The following EXOC6 variants were observed in gnomAD, a reference collection of about 807,000 sequenced individuals.
The protein encoded by EXOC6 is exocyst complex component 6.
A neutral mutation model predicts 112.5 loss-of-function variants in EXOC6; 60 were observed. That is an observed-to-expected ratio of 0.53 (90% confidence interval 0.43 to 0.66). The LOEUF (loss-of-function observed/expected upper bound fraction) is 0.66, where lower values mean the gene tolerates loss of function less well. Among genes scored for constraint, EXOC6 ranks in the 30% least tolerant of loss-of-function variants. The probability of loss-of-function intolerance (pLI) is 0.00; values close to 1 mark genes in which losing one functional copy is unlikely to be tolerated. For synonymous variants in EXOC6, 295 were observed against 308.0 expected, an observed-to-expected ratio of 0.96 and a Z score of 0.44; for missense variants, 855 against 957.1, an observed-to-expected ratio of 0.89 and a Z score of 1.41.
At chr10:92,992,560 C>T (rs559911657) in intron 18 of EXOC6, among the ~76,000 whole-genome samples, 1 of 152,136 alleles carries the variant, frequency 6.6e-6, no homozygotes, top group African/African-American at 2.4e-5. Context: ...GATTTCATAA[C>T]AGTATTTACA....
chr10:93,032,036 A>G (rs572479455), intron 20 of EXOC6, among the ~76,000 whole-genome samples: 1 of 152,266 alleles, frequency 6.6e-6, no homozygotes, highest in South Asian at 2.1e-4. Context: ...TTTATAGGGA[A>G]ATCTGTTATG....
At chr10:92,900,118 T>G (rs1850076505) in intron 5 of EXOC6, 1 of 152,622 alleles carries the variant, frequency 6.6e-6, no homozygotes. Flanking sequence ...TATAGTGATG[T>G]TTAAAATATT....
At chr10:92,860,331 G>A (rs1348362235) in intron 1 of EXOC6, among the ~76,000 whole-genome samples, 1 of 146,882 alleles carries the variant, frequency 6.8e-6, no homozygotes, top group Non-Finnish European at 1.5e-5. Context: ...GAGTGCAGTG[G>A]CGTGATCTCG....
chr10:92,893,471 A>G lies in EXOC6; in HGVS notation c.224A>G (p.Asp75Gly), dbSNP rs202055138. The G allele has an allele frequency of 1.2e-6, 2 of 1,612,880 alleles. No homozygotes were observed. Among genetic ancestry groups the G allele is most frequent in the Non-Finnish European group, 1.7e-6 (2 of 1,179,282 alleles). ...AATTTTCATCATCAGGGTTTTGTAG[A>G]TGCTATTACAGAACTCCTTAAAGTA... ...MCNFHHQGFVDAITELLKVRT... is the reference protein window; with the variant it reads ...MCNFHHQGFVGAITELLKVRT... The change falls in exon 2 of 22, where the codon GAT (aspartate) becomes GGT (glycine). Residue 75 changes from aspartate to glycine, a missense_variant. Coordinates refer to ENST00000260762, the MANE Select transcript of EXOC6 (RefSeq NM_019053.6).
At chr10:93,008,284 A>G (rs1001554766) in intron 19 of EXOC6, among the ~76,000 whole-genome samples, 3 of 152,236 alleles carry the variant, frequency 2.0e-5, no homozygotes, top group African/African-American at 7.2e-5. Context: ...GTCAAATTGG[A>G]GGCATTAAGA....
At chr10:93,052,420 C>T (rs1439870171) in intron 20 of EXOC6, among the ~76,000 whole-genome samples, 1 of 152,174 alleles carries the variant, frequency 6.6e-6, no homozygotes, top group African/African-American at 2.4e-5. Flanking sequence ...ATGGGACCAC[C>T]CATGTAACAC....
At chr10:92,914,387 G>C (rs969409703) in intron 6 of EXOC6, among the ~76,000 whole-genome samples, 1 of 152,150 alleles carries the variant, frequency 6.6e-6, no homozygotes, top group Non-Finnish European at 1.5e-5. Flanking sequence ...AAGTTAAGCG[G>C]ATTTCTTTAC....
At chr10:93,030,892 A>G (rs1232447456) in intron 20 of EXOC6, among the ~76,000 whole-genome samples, 2 of 152,176 alleles carry the variant, frequency 1.3e-5, no homozygotes, top group African/African-American at 4.8e-5. Flanking sequence ...TTTTCAAGAT[A>G]CACCTCCCCT....
At position 93,013,564 on chromosome 10, in the gene EXOC6, C is replaced by T. The variant is rs562766618; in HGVS notation, c.2096-630C>T. ...CAGAGGTTGCAATGAGCCGAGATGG[C>T]GCCACTGCACTCCAGCCTGGGTGAC... On this transcript the variant is annotated intron_variant, in intron 19 of 21. Coordinates refer to ENST00000260762, the MANE Select transcript of EXOC6 (RefSeq NM_019053.6). Among the ~76,000 whole-genome samples, 34 of 151,914 alleles carry T rather than the reference C, an allele frequency of 2.2e-4. No individual in the cohort carries two copies. In the East Asian group the frequency reaches 2.3e-3, roughly 10 times the overall value.
At chr10:93,028,570 C>T (rs1370938391) in intron 20 of EXOC6, among the ~76,000 whole-genome samples, 1 of 152,140 alleles carries the variant, frequency 6.6e-6, no homozygotes, top group Non-Finnish European at 1.5e-5. Flanking sequence ...TGCGGTGGCT[C>T]AGGCCTGTAA....
intron 1 of EXOC6, among the ~76,000 whole-genome samples, chr10:92,858,830 A>G (rs770092340): frequency 2.1e-4 from 32 of 152,102 alleles, no homozygotes; most frequent in Admixed American, 1.4e-3. Flanking sequence ...CAGTGGCACA[A>G]TCTTGGCTCA....
intron 17 of EXOC6, among the ~76,000 whole-genome samples, chr10:92,968,482 G>A (rs1168625786): frequency 6.6e-6 from 1 of 152,068 alleles, no homozygotes; most frequent in African/African-American, 2.4e-5. Context: ...CACTGTGCCT[G>A]CCATGTTTTA....
chr10:92,873,566 A>C (rs1408344844), intron 1 of EXOC6, among the ~76,000 whole-genome samples: 1 of 152,218 alleles, frequency 6.6e-6, no homozygotes, highest in Non-Finnish European at 1.5e-5. Context: ...ATATTAAAGT[A>C]TATCAATTCT....
chr10:92,845,369 A>G (rs988241737), upstream of EXOC6, among the ~76,000 whole-genome samples: 1 of 151,982 alleles, frequency 6.6e-6, no homozygotes, highest in African/African-American at 2.4e-5. Flanking sequence ...CCTGGCCAAC[A>G]TGGTGAAAGC....
At chr10:92,884,763 C>A (rs1356524737) in intron 1 of EXOC6, among the ~76,000 whole-genome samples, 3 of 151,772 alleles carry the variant, frequency 2.0e-5, no homozygotes, top group East Asian at 3.9e-4. Flanking sequence ...TAAAAAGATA[C>A]CCAAAATAGT....
At chr10:92,891,638 C>T (rs1007578800) in intron 1 of EXOC6, among the ~76,000 whole-genome samples, 1 of 152,070 alleles carries the variant, frequency 6.6e-6, no homozygotes, top group East Asian at 1.9e-4. Context: ...CCTGCCACGA[C>T]ACCCAGCTAA....
At chr10:92,975,430 T>G (rs1842491814) in intron 18 of EXOC6, among the ~76,000 whole-genome samples, 1 of 144,022 alleles carries the variant, frequency 6.9e-6, no homozygotes, top group Non-Finnish European at 1.5e-5. Context: ...GTCTGGGAAG[T>G]GAGGAGCGTC....
rs1351052172 is a variant in EXOC6 at position 92,935,692 on chromosome 10, C to A, written c.1141-122C>A. The A allele has an allele frequency of 4.0e-6, 3 of 746,334 alleles. No individual in the cohort carries two copies. The Admixed American group carries it at 8.3e-5, about 21-fold the overall frequency. The allele number at this position is 746,334 out of a possible 1,614,324, so 46.2% of individuals were successfully genotyped here. A position where few individuals can be genotyped will look rare whatever the true frequency, so the allele number is the denominator to read the frequency against. On this transcript the variant is annotated intron_variant, in intron 11 of 21. Transcript: ENST00000260762. Reference sequence around the variant, plus strand: ...GAATCTAACCAACCAAAATTTTAAACTTATTATAAGTCTGGCAGATTAAAA... The same window carrying A: ...GAATCTAACCAACCAAAATTTTAAAATTATTATAAGTCTGGCAGATTAAAA...
chr10:92,827,260 G>C (rs558397290), intron 1 of EXOC6, among the ~76,000 whole-genome samples: 180 of 151,624 alleles, frequency 1.2e-3, no homozygotes, highest in African/African-American at 4.2e-3. Flanking sequence ...GATCGCTTGA[G>C]CTCAGGAGTT....
Sources: allele counts gnomAD v4.1 joint callset (sites outside exome capture counted in the v4.1 genomes callset), GRCh38; gene constraint gnomAD v4.1.1; transcripts MANE v1.5; gene names NCBI Gene and HGNC (gene_info 2026-07-23, HGNC 2026-07-21).